PLEKHA5: variants seen among roughly 807,000 people sequenced by gnomAD.
PLEKHA5 encodes pleckstrin homology domain-containing family A member 5.
In PLEKHA5, 55 loss-of-function variants were observed where a neutral mutation model predicts 181.9. The ratio of observed to expected loss-of-function variants is 0.30; its 90% CI spans 0.24 to 0.38. PLEKHA5 has a LOEUF of 0.38. Among genes scored for constraint, PLEKHA5 ranks in the 10% least tolerant of loss-of-function variants. The probability of loss-of-function intolerance (pLI) is 1.00; values close to 1 mark genes in which losing one functional copy is unlikely to be tolerated. For missense variants in PLEKHA5, 1,432 were observed against 1,549.5 expected (o/e 0.92, Z 1.27); for synonymous variants, 535 against 529.4 (o/e 1.01, Z -0.15).
intron 21 of PLEKHA5, 43 bp from the exon 22 acceptor site, chr12:19,343,280 T>C (rs746584034): frequency 8.8e-7 from 1 of 1,132,468 alleles, no homozygotes; most frequent in African/African-American, 1.6e-5. Context: ...CTTCAGTGAA[T>C]GATTTTTTTT....
chr12:19,303,910 GGCTGAAGTGATCCTTCTGCCTCA>G (rs1218278638), intron 15 of PLEKHA5: 1 of 139,466 alleles, frequency 7.2e-6, no homozygotes, highest in East Asian at 2.2e-4. Context: ...CAACCCCCTA[GGCTGAAGTGATCCTTCTGCCTCA>G]GCCTCTCAAG....
chr12:19,219,570 T>G (rs1397308534), intron 3 of PLEKHA5, among the ~76,000 whole-genome samples: 2 of 152,070 alleles, frequency 1.3e-5, no homozygotes, highest in Non-Finnish European at 2.9e-5. Flanking sequence ...TTACAGAGAT[T>G]TGTTACTATA....
chr12:19,205,047 A>G (rs1288969200), intron 3 of PLEKHA5, among the ~76,000 whole-genome samples: 2 of 152,114 alleles, frequency 1.3e-5, no homozygotes, highest in Admixed American at 6.6e-5. Flanking sequence ...AGGACTTGTT[A>G]TTTAATAAAC....
rs1448339226 is a variant in PLEKHA5, at chr12:19,250,361, G to A, written c.228-3579G>A. On this transcript the variant is annotated intron_variant, in intron 3 of 31. Transcript: ENST00000429027. Reference sequence around the variant, plus strand: ...GCACTTTGGGAGGCCAAGGCGGGTGGATCGCGTGAGGACAGGAGTTTGAGA... The same window carrying A: ...GCACTTTGGGAGGCCAAGGCGGGTGAATCGCGTGAGGACAGGAGTTTGAGA... 6.6e-5 allele frequency among the ~76,000 whole-genome samples: 10 copies of A among 152,194 alleles called. 1 individual carries two copies. Among genetic ancestry groups the A allele is most frequent in the Admixed American group, 6.5e-4 (10 of 15,284 alleles).
intron 20 of PLEKHA5, among the ~76,000 whole-genome samples, chr12:19,326,649 G>T (rs2092140463): frequency 2.0e-5 from 3 of 152,132 alleles, no homozygotes; most frequent in African/African-American, 7.2e-5. Flanking sequence ...GTGATGCTGA[G>T]GTTTGGAGTA....
Position 19,130,010 on chromosome 12 carries a change from C to G in PLEKHA5, c.90-41C>G. ...AGCCCCTCGGCTCGCCCCCGCGTCC[C>G]CTCTCACGCTCCGTGTCTGCCCCTT... On this transcript the variant is annotated intron_variant, in intron 1 of 31. Coordinates refer to ENST00000429027, the MANE Select transcript of PLEKHA5 (RefSeq NM_001256470.2). The surrounding 1 kb of genome is among the most constrained non-coding windows in gnomAD (Gnocchi z 4.5). The G allele has an allele frequency of 6.6e-7, 1 of 1,512,934 alleles. No homozygotes were observed. The highest frequency in any genetic ancestry group is 9.0e-7 in the Non-Finnish European group (1 of 1,112,924). 93.7% of individuals were successfully genotyped at this position (1,512,934 alleles called of 1,614,324 possible).
At chr12:19,182,569 G>A (rs561122188) in intron 3 of PLEKHA5, among the ~76,000 whole-genome samples, 25 of 152,290 alleles carry the variant, frequency 1.6e-4, no homozygotes, top group South Asian at 4.1e-4. Flanking sequence ...ATAGCAAGAC[G>A]AAGTAGCATT....
chr12:19,139,881 A>G (rs1330617473), intron 3 of PLEKHA5, among the ~76,000 whole-genome samples: 1 of 152,210 alleles, frequency 6.6e-6, no homozygotes, highest in African/African-American at 2.4e-5. Flanking sequence ...GCATTGCTAT[A>G]TATAAAGAAA....
At chr12:19,225,360 C>T (rs184402191) in intron 3 of PLEKHA5, among the ~76,000 whole-genome samples, 74 of 152,290 alleles carry the variant, frequency 4.9e-4, no homozygotes, top group Non-Finnish European at 8.4e-4. Context: ...ACATCTAAAA[C>T]ATCTGAGGGT....
chr12:19,241,042 C>T (rs947207653), intron 3 of PLEKHA5, among the ~76,000 whole-genome samples: 1 of 152,072 alleles, frequency 6.6e-6, no homozygotes, highest in African/African-American at 2.4e-5. Context: ...ATCAGTGTTC[C>T]TTATTCATTA....
intron 7 of PLEKHA5, among the ~76,000 whole-genome samples, chr12:19,265,259 A>C (rs2069946876): frequency 6.6e-6 from 1 of 152,224 alleles, no homozygotes; most frequent in African/African-American, 2.4e-5. Flanking sequence ...TAATAAGCAA[A>C]TAAATAGCTA....
In PLEKHA5 at chr12:19,230,468, G is replaced by A. The variant is rs111359139; in HGVS notation, c.228-23472G>A. 2.0e-3 allele frequency among the ~76,000 whole-genome samples: 302 copies of A among 152,302 alleles called. 2 individuals are homozygous for A. Among genetic ancestry groups the A allele is most frequent in the African/African-American group, 7.0e-3 (293 of 41,584 alleles). ...GGAACCCATGGCGGAGGGGAGGCTCGGGCATGGCGGGCTGCAGGTCCAGAG... is the reference window on the plus strand; with the variant it reads ...GGAACCCATGGCGGAGGGGAGGCTCAGGCATGGCGGGCTGCAGGTCCAGAG... On this transcript the variant is annotated intron_variant, in intron 3 of 31. Transcript: ENST00000429027.
intron 3 of PLEKHA5, among the ~76,000 whole-genome samples, chr12:19,182,224 T>G (rs975099284): frequency 3.3e-5 from 5 of 152,224 alleles, no homozygotes; most frequent in Non-Finnish European, 2.9e-5. Flanking sequence ...ATGAGGGCAC[T>G]TTTTCTTTAC....
chr12:19,130,193 C>A lies in PLEKHA5; in HGVS notation c.169+63C>A. On this transcript the variant is annotated intron_variant, in intron 2 of 31. Transcript: ENST00000429027. This position sits in a 1 kb window ranked among gnomAD's most constrained non-coding sequence, Gnocchi z 4.5. ...AGGAGGCGGCAGAGCCCGGGCCGCC[C>A]GGCTCCCCGCAACCTGCCCCGCGCC... 2.7e-6 allele frequency: 3 copies of A among 1,126,196 alleles called. No homozygotes were observed. Among genetic ancestry groups the A allele is most frequent in the Non-Finnish European group, 2.4e-6 (2 of 820,374 alleles). The allele number at this position is 1,126,196 out of a possible 1,614,324, so 69.8% of individuals were successfully genotyped here.
intron 16 of PLEKHA5, among the ~76,000 whole-genome samples, chr12:19,315,337 G>A (rs370995852): frequency 5.3e-5 from 8 of 152,058 alleles, no homozygotes; most frequent in African/African-American, 1.2e-4. Context: ...TTGTATGGGC[G>A]TTATTTAAAT....
chr12:19,171,100 A>G (rs866073153), intron 3 of PLEKHA5, among the ~76,000 whole-genome samples: 2 of 152,174 alleles, frequency 1.3e-5, no homozygotes, highest in African/African-American at 4.8e-5. Flanking sequence ...CCCCTATTTC[A>G]GAGAAAAACC....
intron 29 of PLEKHA5, among the ~76,000 whole-genome samples, chr12:19,363,916 G>T (rs900356874): frequency 1.3e-4 from 20 of 152,196 alleles, no homozygotes; most frequent in Admixed American, 8.5e-4. Context: ...TGAATAGCAA[G>T]ATTGAATTTG....
intron 3 of PLEKHA5, among the ~76,000 whole-genome samples, chr12:19,232,586 A>G (rs747124450): frequency 2.0e-5 from 3 of 152,176 alleles, no homozygotes; most frequent in Non-Finnish European, 4.4e-5. Flanking sequence ...AATGTATTTT[A>G]GAAGTTGTCA....
At position 19,130,218 on chromosome 12, in the gene PLEKHA5, C is replaced by A; in HGVS notation, c.169+88C>A. The A allele has an allele frequency of 2.7e-6, 2 of 751,206 alleles. No individual in the cohort carries two copies. Among genetic ancestry groups the A allele is most frequent in the Non-Finnish European group, 3.7e-6 (2 of 541,088 alleles). 46.5% of individuals were successfully genotyped at this position (751,206 alleles called of 1,614,324 possible). On this transcript the variant is annotated intron_variant, in intron 2 of 31. Transcript: ENST00000429027. The surrounding 1 kb of genome is among the most constrained non-coding windows in gnomAD (Gnocchi z 4.5). ...CGGCTCCCCGCAACCTGCCCCGCGCCGCGGGCCCCGGGAGGCGGCGAGGCG... is the reference window on the plus strand; with the variant it reads ...CGGCTCCCCGCAACCTGCCCCGCGCAGCGGGCCCCGGGAGGCGGCGAGGCG...
Sources: gnomAD v4.1 joint callset for allele counts (sites outside exome capture counted in the v4.1 genomes callset) on GRCh38, gnomAD v4.1.1 for gene constraint, Gnocchi (gnomAD v3.1) non-coding constraint, MANE v1.5 for transcripts, NCBI Gene and HGNC (gene_info 2026-07-23, HGNC 2026-07-21) for gene names.